Variants in KIAA1328 observed in about 807,000 individuals in gnomAD.
The protein encoded by KIAA1328 is protein hinderin.
A neutral mutation model predicts 68.1 loss-of-function variants in KIAA1328; 52 were observed. The ratio of observed to expected loss-of-function variants is 0.76; its 90% CI spans 0.61 to 0.96. KIAA1328 has a LOEUF of 0.96. Among genes scored for constraint, KIAA1328 ranks in the 40% least tolerant of loss-of-function variants. The probability of loss-of-function intolerance (pLI) is 0.00; values close to 1 mark genes in which losing one functional copy is unlikely to be tolerated. For synonymous variants in KIAA1328, 232 were observed against 239.4 expected (o/e 0.97, Z 0.28); for missense variants, 641 against 677.6 (o/e 0.95, Z 0.60).
At chr18:36,968,983 A>G (rs975835432) in intron 6 of KIAA1328, among the ~76,000 whole-genome samples, 1 of 152,208 alleles carries the variant, frequency 6.6e-6, no homozygotes, top group Admixed American at 6.5e-5. Flanking sequence ...GACCAAGAAG[A>G]TCTTTGAAAA....
In KIAA1328 at chr18:37,145,050, C is replaced by T. The variant is rs977613560; in HGVS notation, c.1233-15150C>T. ...AGGAGTTTGAGACCAGTCTGGGCAA[C>T]GTGGTGAAAACCCATCTCTACAAAA... On this transcript the variant is annotated intron_variant, in intron 7 of 9. Coordinates refer to ENST00000280020, the MANE Select transcript of KIAA1328 (RefSeq NM_020776.3). 1.1e-4 allele frequency among the ~76,000 whole-genome samples: 17 copies of T among 151,874 alleles called. 1 individual carries two copies. In the South Asian group the frequency reaches 1.7e-3, roughly 15 times the overall value.
At chr18:36,885,527 A>T in intron 4 of KIAA1328, 30 bp from the exon 5 acceptor site, 1 of 1,271,930 alleles carries the variant, frequency 7.9e-7, no homozygotes, top group Non-Finnish European at 1.1e-6. Context: ...ATTCTGATAG[A>T]TGTTAAAGGT....
chr18:36,998,103 G>A (rs1043706262), intron 6 of KIAA1328, among the ~76,000 whole-genome samples: 2 of 152,182 alleles, frequency 1.3e-5, no homozygotes, highest in South Asian at 4.1e-4. Context: ...GTCATCTTTG[G>A]AGAGCCTGAG....
intron 9 of KIAA1328, among the ~76,000 whole-genome samples, chr18:37,208,403 C>CA (rs1473990288): frequency 6.6e-6 from 1 of 152,076 alleles, no homozygotes; most frequent in East Asian, 1.9e-4. Context: ...GAGAGAAGGT[C>CA]AAAAAACTAA....
chr18:37,113,714 A>C (rs1049540816), intron 7 of KIAA1328, among the ~76,000 whole-genome samples: 2 of 152,226 alleles, frequency 1.3e-5, no homozygotes, highest in African/African-American at 4.8e-5. Context: ...AAAGACTGGC[A>C]AATTGGATAA....
chr18:36,974,789 T>G (rs563513790), intron 6 of KIAA1328, among the ~76,000 whole-genome samples: 2 of 152,236 alleles, frequency 1.3e-5, no homozygotes, highest in African/African-American at 2.4e-5. Context: ...TCCCTTTCTC[T>G]GCATCACAGA....
At chr18:37,153,943 C>T (rs1406029741) in intron 7 of KIAA1328, among the ~76,000 whole-genome samples, 2 of 150,768 alleles carry the variant, frequency 1.3e-5, no homozygotes, top group Admixed American at 6.6e-5. Flanking sequence ...GCTTAAATGT[C>T]TACCTTTCTT....
At position 37,160,376 on chromosome 18, in the gene KIAA1328, A is replaced by G; in HGVS notation, c.1409A>G (p.Gln470Arg). The G allele has an allele frequency of 3.7e-6, 6 of 1,611,930 alleles. No homozygotes were observed. Among genetic ancestry groups the G allele is most frequent in the Non-Finnish European group, 5.1e-6 (6 of 1,178,950 alleles). The change falls in exon 8 of 10, where the codon CAA becomes CGA. Residue 470 changes from glutamine (Q) to arginine (R), a missense_variant. Physicochemically the swap from Gln to Arg is conservative, Grantham distance 43 (BLOSUM62 1). Coordinates refer to ENST00000280020, the MANE Select transcript of KIAA1328 (RefSeq NM_020776.3). ...CAAAAGAAAGATACATGTAGACCCC[A>G]AAGAGGTAAGTTTAACAACTGTAGT... is the stretch of plus-strand genomic sequence containing the variant. ...SCQKKDTCRP[Q>R]RGTVTGVRKD...
At chr18:37,170,899 G>A (rs1277981417) in intron 8 of KIAA1328, among the ~76,000 whole-genome samples, 6 of 152,036 alleles carry the variant, frequency 3.9e-5, no homozygotes, top group Admixed American at 3.9e-4. Context: ...GATAGAGAGG[G>A]GGCTAGGACC....
At chr18:36,836,196 A>T (rs569012961) in intron 3 of KIAA1328, among the ~76,000 whole-genome samples, 1 of 152,266 alleles carries the variant, frequency 6.6e-6, no homozygotes, top group South Asian at 2.1e-4. Flanking sequence ...ACTGTGATTG[A>T]ATCAAAAGGC....
chr18:36,870,854 A>C (rs1276714397), intron 4 of KIAA1328, among the ~76,000 whole-genome samples: 1 of 152,306 alleles, frequency 6.6e-6, no homozygotes, highest in East Asian at 1.9e-4. Context: ...TGTGTTTTGT[A>C]GAATGTTCTT....
chr18:36,971,662 G>A (rs2052219571), intron 6 of KIAA1328, among the ~76,000 whole-genome samples: 1 of 152,000 alleles, frequency 6.6e-6, no homozygotes, highest in African/African-American at 2.4e-5. Context: ...ATGTGGTACT[G>A]TATACCATGA....
At chr18:37,113,737 C>T (rs1423833218) in intron 7 of KIAA1328, among the ~76,000 whole-genome samples, 2 of 152,154 alleles carry the variant, frequency 1.3e-5, no homozygotes, top group Non-Finnish European at 2.9e-5. Context: ...ATTCAAGACT[C>T]ATCATTGTGC....
chr18:37,226,714 CCTTTT>C (rs1175580844), downstream of KIAA1328, among the ~76,000 whole-genome samples: 5 of 123,596 alleles, frequency 4.0e-5, no homozygotes, highest in African/African-American at 1.9e-4. Context: ...TGGGTTGTTC[CCTTTT>C]TTTTTTTTTT....
At chr18:36,925,581 G>T (rs777991068) in intron 5 of KIAA1328, among the ~76,000 whole-genome samples, 2 of 151,448 alleles carry the variant, frequency 1.3e-5, no homozygotes, top group Non-Finnish European at 1.5e-5. Context: ...CTGTTGCCCA[G>T]CCTGGAGTGC....
chr18:37,160,404 C>A, intron 8 of KIAA1328, 23 bp downstream of exon 8: 1 of 1,590,496 alleles, frequency 6.3e-7, no homozygotes, highest in Non-Finnish European at 8.6e-7. Context: ...ACTGTAGTGG[C>A]AAAATGAGAA....
At chr18:36,954,156 C>T (rs915771540) in intron 5 of KIAA1328, among the ~76,000 whole-genome samples, 1 of 151,910 alleles carries the variant, frequency 6.6e-6, no homozygotes, top group African/African-American at 2.4e-5. Context: ...GCGCCTGCCA[C>T]CGCGCCCGGC....
intron 5 of KIAA1328, among the ~76,000 whole-genome samples, chr18:36,897,947 A>C (rs2048918145): frequency 6.6e-6 from 1 of 152,108 alleles, no homozygotes; most frequent in Non-Finnish European, 1.5e-5. Context: ...TTAGTTAATT[A>C]CAAATTGATG....
intron 5 of KIAA1328, among the ~76,000 whole-genome samples, chr18:36,945,194 A>G (rs570254492): frequency 1.3e-5 from 2 of 152,264 alleles, no homozygotes; most frequent in East Asian, 3.9e-4. Flanking sequence ...GTCTTTGAGT[A>G]TTTTTGGGCT....
Sources: gnomAD v4.1 joint callset for allele counts (sites outside exome capture counted in the v4.1 genomes callset) on GRCh38, gnomAD v4.1.1 for gene constraint, MANE v1.5 for transcripts, NCBI Gene and HGNC (gene_info 2026-07-23, HGNC 2026-07-21) for gene names.